BCL9L: variants seen among roughly 807,000 people sequenced by gnomAD.
The protein encoded by BCL9L is B-cell CLL/lymphoma 9-like protein.
Under a neutral mutation model 99.4 loss-of-function variants are expected in BCL9L, and 19 were observed. The observed-to-expected ratio is 0.19, with a 90% CI of 0.13 to 0.28. The LOEUF is 0.28. Among genes scored for constraint, BCL9L ranks in the 10% least tolerant of loss-of-function variants. The pLI is 1.00. For synonymous variants in BCL9L, 900 were observed against 854.8 expected (o/e 1.05, Z -0.92); for missense variants, 2,023 against 2,101.6 (o/e 0.96, Z 0.73).
intron 1 of BCL9L, among the ~76,000 whole-genome samples, chr11:118,924,106 G>A (rs1941219984): frequency 6.6e-6 from 1 of 152,140 alleles, no homozygotes; most frequent in Non-Finnish European, 1.5e-5. Context: ...GACAGTGGAA[G>A]CCCACTCACT....
At chr11:118,911,158 A>G in intron 2 of BCL9L, 1 of 449,702 alleles carries the variant, frequency 2.2e-6, no homozygotes, top group Non-Finnish European at 4.5e-6. Context: ...GGCCTCACCC[A>G]ACCGCCCCCA....
At chr11:118,906,429 T>G (rs2137714122) in intron 5 of BCL9L, among the ~76,000 whole-genome samples, 1 of 152,218 alleles carries the variant, frequency 6.6e-6, no homozygotes, top group East Asian at 1.9e-4. Flanking sequence ...GGTTTGGTAT[T>G]TGACCCTCTA....
chr11:118,902,799 C>T lies in BCL9L; in HGVS notation c.944G>A (p.Gly315Asp), dbSNP rs1163244072. ...TGGGGGCAGAGCAGGCGGGGCACTG[C>T]CAGGGGCCGGGGGTGGCGGCGGCGG... The part of the protein sequence containing the change: ...PLPPPPPPAP[G>D]SAPPALPPEG... Residue 315 changes from glycine (G) to aspartate (D), a missense_variant, in exon 8 of 10, where the codon GGC becomes GAC. This residue lies in a region of BCL9L where 1,116 missense variants were observed against 1,194.6 expected (regional missense o/e 0.93). Coordinates refer to ENST00000683865, the MANE Select transcript of BCL9L (RefSeq NM_001378213.1). The surrounding 1 kb of genome is among the most constrained non-coding windows in gnomAD (Gnocchi z 7.8). 1 of 1,560,106 alleles carries T rather than the reference C, an allele frequency of 6.4e-7. No homozygotes were observed. Among genetic ancestry groups the T allele is most frequent in the South Asian group, 1.2e-5 (1 of 85,798 alleles).
In BCL9L at chr11:118,922,029, C is replaced by T. The variant is rs528318763; in HGVS notation, c.-130-3150G>A. On this transcript the variant is annotated intron_variant, in intron 1 of 9. Coordinates refer to ENST00000683865, the MANE Select transcript of BCL9L (RefSeq NM_001378213.1). The surrounding 1 kb of genome is among the most constrained non-coding windows in gnomAD (Gnocchi z 6.2). ...CCTCTCCACAAGGATGCGGGACCCTCGGGGAGACTGAGGCAGTGTAACACA... is the reference window on the plus strand; with the variant it reads ...CCTCTCCACAAGGATGCGGGACCCTTGGGGAGACTGAGGCAGTGTAACACA... Among the ~76,000 whole-genome samples, 68 of 152,250 alleles carry T rather than the reference C, an allele frequency of 4.5e-4. No homozygotes were observed. The highest frequency in any genetic ancestry group is 1.2e-3 in the Admixed American group (19 of 15,300).
intron 3 of BCL9L, among the ~76,000 whole-genome samples, chr11:118,909,635 TAAG>T (rs889616519): frequency 1.1e-4 from 16 of 152,102 alleles, no homozygotes; most frequent in African/African-American, 3.9e-4. Flanking sequence ...CAAACCATTT[TAAG>T]GAGGGAAGAA....
chr11:118,906,076 C>T (rs1940508993), intron 5 of BCL9L, among the ~76,000 whole-genome samples: 1 of 152,030 alleles, frequency 6.6e-6, no homozygotes, highest in Admixed American at 6.6e-5. Context: ...ATGCCTGAGC[C>T]CCAGCTACTT....
At chr11:118,904,454 A>G (rs777312118) in intron 5 of BCL9L, among the ~76,000 whole-genome samples, 17 of 152,190 alleles carry the variant, frequency 1.1e-4, no homozygotes, top group Non-Finnish European at 2.4e-4. Flanking sequence ...ATAAATAAAT[A>G]AATAAAAATA....
chr11:118,909,028 G>C (rs961841423), intron 3 of BCL9L, among the ~76,000 whole-genome samples: 2 of 152,186 alleles, frequency 1.3e-5, no homozygotes, highest in Non-Finnish European at 2.9e-5. Context: ...TCTAAGATCT[G>C]CTGTCTTCAG....
In BCL9L at chr11:118,901,771, G is replaced by A. The variant is rs775902823; in HGVS notation, c.1972C>T (p.Pro658Ser). The stretch of plus-strand genomic sequence containing the variant: ...GCCTCACCCTGCCCACCTGGGTAGG[G>A]CATGGTGTTCTGGGCAAAATTGCTG... Reference protein sequence around the residue: ...GPSNFAQNTMPYPGGQGEAER... With the variant: ...GPSNFAQNTMSYPGGQGEAER... Residue 658 changes from proline (P) to serine (S), a missense_variant, in exon 8 of 10, where the codon CCC becomes TCC. Transcript: ENST00000683865. This position sits in a 1 kb window ranked among gnomAD's most constrained non-coding sequence, Gnocchi z 6.6. 1.2e-6 allele frequency: 2 copies of A among 1,611,938 alleles called. No individual in the cohort carries two copies. The highest frequency in any genetic ancestry group is 1.7e-6 in the Non-Finnish European group (2 of 1,178,346).
In BCL9L at chr11:118,903,314, C is replaced by T; in HGVS notation, c.671G>A (p.Gly224Asp). ...PPGLRPDAPG[G>D]GGGGGGVPGK... is the part of the protein sequence containing the mutation. ...GGGGACGCCCCCGCCCCCGCCCCCG[C>T]CCCCAGGGGCATCAGGCCGAAGGCC... The change falls in exon 6 of 10, where the codon GGC becomes GAC. Residue 224 changes from glycine to aspartate, a missense_variant. Around this residue, in one of 3 missense-constraint regions of BCL9L, gnomAD observed 1,116 missense variants for 1,194.6 expected, o/e 0.93. Coordinates refer to ENST00000683865, the MANE Select transcript of BCL9L (RefSeq NM_001378213.1). The surrounding 1 kb of genome is among the most constrained non-coding windows in gnomAD (Gnocchi z 5.6). The T allele has an allele frequency of 3.2e-6, 5 of 1,580,410 alleles. No individual in the cohort carries two copies. The highest frequency in any genetic ancestry group is 3.4e-6 in the Non-Finnish European group (4 of 1,164,490).
At chr11:118,904,774 G>T (rs1212361850) in intron 5 of BCL9L, among the ~76,000 whole-genome samples, 2 of 152,214 alleles carry the variant, frequency 1.3e-5, no homozygotes, top group African/African-American at 2.4e-5. Context: ...GTGTCAGGCT[G>T]CCCTCTTTGG....
At position 118,905,046 on chromosome 11, in the gene BCL9L, C is replaced by G. The variant is rs114297067; in HGVS notation, c.533-1594G>C. Among the ~76,000 whole-genome samples the G allele has an allele frequency of 5.0e-3, 757 of 152,318 alleles. 10 individuals are homozygous for G. Among genetic ancestry groups the G allele is most frequent in the African/African-American group, 0.017 (723 of 41,564 alleles). ...CATGTTACATGTATAACCTCATTTACTCCTCATACCAACCCTATGAGATAA... is the reference window on the plus strand; with the variant it reads ...CATGTTACATGTATAACCTCATTTAGTCCTCATACCAACCCTATGAGATAA... On this transcript the variant is annotated intron_variant, in intron 5 of 9. Transcript: ENST00000683865.
At position 118,898,422 on chromosome 11, in the gene BCL9L, G is replaced by C; in HGVS notation, c.4493C>G (p.Pro1498Arg). 1 of 1,602,982 alleles carries C rather than the reference G, an allele frequency of 6.2e-7. No homozygotes were observed. Among genetic ancestry groups the C allele is most frequent in the Non-Finnish European group, 8.5e-7 (1 of 1,172,644 alleles). The change falls in exon 10 of 10, where the codon CCC becomes CGC. Residue 1498 changes from proline (P) to arginine (R), a missense_variant. Physicochemically the swap from Pro to Arg is moderately radical, Grantham distance 103. This residue lies in a region of BCL9L where 902 missense variants were observed against 888.2 expected (regional missense o/e 1.02). Coordinates refer to ENST00000683865, the MANE Select transcript of BCL9L (RefSeq NM_001378213.1). The stretch of plus-strand genomic sequence containing the variant: ...CAGCCCTGGCAGCGACTTCTAGAAG[G>C]GCAGGTTGGCCATGCCGCCTGGTGC... Reference protein sequence around the residue: ...LPAPGGMANLPF With the variant: ...LPAPGGMANLRF
chr11:118,909,921 T>C lies in BCL9L; in HGVS notation c.19A>G (p.Lys7Glu). The C allele has an allele frequency of 6.2e-7, 1 of 1,614,044 alleles. No individual in the cohort carries two copies. The highest frequency in any genetic ancestry group is 8.5e-7 in the Non-Finnish European group (1 of 1,179,960). MRILAN[K>E]TRLPHPRRRE... is the part of the protein sequence containing the mutation. ...GCCACGACACCCACACACCTTGTCT[T>C]GTTAGCCAGGATCCTCATGGCTCCC... The change falls in exon 3 of 10, where the codon AAG becomes GAG. Residue 7 changes from lysine (K) to glutamate (E), a missense_variant. Coordinates refer to ENST00000683865, the MANE Select transcript of BCL9L (RefSeq NM_001378213.1).
In BCL9L at chr11:118,900,487, C is replaced by T; in HGVS notation, c.3124+132G>A. The T allele has an allele frequency of 7.0e-7, 1 of 1,426,782 alleles. No homozygotes were observed. 88.4% of individuals were successfully genotyped at this position (1,426,782 alleles called of 1,614,324 possible). On this transcript the variant is annotated intron_variant, in intron 8 of 9. Coordinates refer to ENST00000683865, the MANE Select transcript of BCL9L (RefSeq NM_001378213.1). This position sits in a 1 kb window ranked among gnomAD's most constrained non-coding sequence, Gnocchi z 5.3. ...AAGCCCACAAATGTCATCATCTGCC[C>T]CATAAGCAGAGCCATCCACCTCTGG... is the stretch of plus-strand genomic sequence containing the variant.
At chr11:118,918,263 CTGTGTGTG>C (rs147838469) in intron 2 of BCL9L, among the ~76,000 whole-genome samples, 2 of 148,616 alleles carry the variant, frequency 1.3e-5, no homozygotes, top group African/African-American at 2.5e-5. Flanking sequence ...AGGGAAGAGG[CTGTGTGTG>C]TGTGTGTGTG....
rs889436126 is a variant in BCL9L, at chr11:118,903,774, A to G, written c.533-322T>C. ...CACTCCACTTAACAAAGGAGGAAAT[A>G]AGTTCCTCACCCACAGTTACACAGC... On this transcript the variant is annotated intron_variant, in intron 5 of 9. Transcript: ENST00000683865. This position sits in a 1 kb window ranked among gnomAD's most constrained non-coding sequence, Gnocchi z 5.6. 9.9e-5 allele frequency among the ~76,000 whole-genome samples: 15 copies of G among 152,214 alleles called. No individual in the cohort carries two copies. The highest frequency in any genetic ancestry group is 1.8e-4 in the Non-Finnish European group (12 of 68,028).
At position 118,901,101 on chromosome 11, in the gene BCL9L, T is replaced by A. The variant is rs1284711722; in HGVS notation, c.2642A>T (p.Asn881Ile). Reference sequence around the variant, plus strand: ...GTGGCTGAGCCGGGTGGTGCCCACGTTGCTCATGGGCATTGAGCTCTGATC... The same window carrying A: ...GTGGCTGAGCCGGGTGGTGCCCACGATGCTCATGGGCATTGAGCTCTGATC... ...SPDQSSMPMS[N>I]VGTTRLSHMP... The change falls in exon 8 of 10, where the codon AAC becomes ATC. Residue 881 changes from asparagine to isoleucine, a missense_variant. Coordinates refer to ENST00000683865, the MANE Select transcript of BCL9L (RefSeq NM_001378213.1). This position sits in a 1 kb window ranked among gnomAD's most constrained non-coding sequence, Gnocchi z 6.6. 1 of 1,609,374 alleles carries A rather than the reference T, an allele frequency of 6.2e-7. No individual in the cohort carries two copies.
intron 1 of BCL9L, among the ~76,000 whole-genome samples, chr11:118,924,488 G>A (rs1248028978): frequency 6.6e-6 from 1 of 151,942 alleles, no homozygotes; most frequent in Non-Finnish European, 1.5e-5. Context: ...TAGACTTCAA[G>A]GGACACTATC....
Sources: allele counts gnomAD v4.1 joint callset (sites outside exome capture counted in the v4.1 genomes callset), GRCh38; gene constraint gnomAD v4.1.1; regional missense constraint gnomAD v4.1.1; non-coding constraint Gnocchi (gnomAD v3.1); transcripts MANE v1.5; gene names NCBI Gene and HGNC (gene_info 2026-07-23, HGNC 2026-07-21).